The following TMOD2 variants were observed in gnomAD, a reference collection of about 807,000 sequenced individuals.
The protein encoded by TMOD2 is tropomodulin-2.
A neutral mutation model predicts 39.9 loss-of-function variants in TMOD2; 22 were observed. The ratio of observed to expected loss-of-function variants is 0.55; its 90% CI spans 0.39 to 0.79. The LOEUF (loss-of-function observed/expected upper bound fraction) is 0.79, where lower values mean the gene tolerates loss of function less well. Ranked by LOEUF, TMOD2 falls within the 30% of genes least tolerant of loss-of-function variation. The pLI, the probability that TMOD2 is intolerant of heterozygous loss-of-function variation, is 0.00. For synonymous variants in TMOD2, 123 were observed against 146.1 expected, an observed-to-expected ratio of 0.84 and a Z score of 1.14; for missense variants, 386 against 413.3, an observed-to-expected ratio of 0.93 and a Z score of 0.57.
intron 7 of TMOD2, chr15:51,783,828 C>A (rs2055950299): frequency 6.6e-6 from 1 of 152,110 alleles, no homozygotes; most frequent in Admixed American, 6.5e-5. Flanking sequence ...TCTATTCTTC[C>A]TATGCATTTT....
chr15:51,776,042 GT>G (rs2141623168), intron 4 of TMOD2, among the ~76,000 whole-genome samples: 1 of 152,300 alleles, frequency 6.6e-6, no homozygotes, highest in East Asian at 1.9e-4. Flanking sequence ...AAGTCACACA[GT>G]TTAACGTGGT....
At chr15:51,803,565 A>G (rs1339908328) in intron 8 of TMOD2, among the ~76,000 whole-genome samples, 2 of 152,246 alleles carry the variant, frequency 1.3e-5, no homozygotes, top group African/African-American at 4.8e-5. Flanking sequence ...ACCAAATGGA[A>G]GAAATCAGGA....
chr15:51,803,100 T>C (rs1057262874), intron 8 of TMOD2, among the ~76,000 whole-genome samples: 2 of 150,608 alleles, frequency 1.3e-5, no homozygotes, highest in Non-Finnish European at 1.5e-5. Context: ...CAGGGAAGAA[T>C]GAAATAAAAG....
chr15:51,761,490 G>C (rs1435942023), intron 1 of TMOD2, among the ~76,000 whole-genome samples: 2 of 152,020 alleles, frequency 1.3e-5, no homozygotes, highest in African/African-American at 4.8e-5. Context: ...ACTTTGGGAG[G>C]CTGAGGCAGG....
intron 8 of TMOD2, among the ~76,000 whole-genome samples, chr15:51,802,299 T>G (rs1288793112): frequency 6.6e-6 from 1 of 152,196 alleles, no homozygotes; most frequent in Admixed American, 6.5e-5. Context: ...TAAGTTAACA[T>G]AAAAGCAGAG....
intron 3 of TMOD2, among the ~76,000 whole-genome samples, chr15:51,769,787 C>T (rs2055841093): frequency 6.6e-6 from 1 of 152,130 alleles, no homozygotes; most frequent in African/African-American, 2.4e-5. Context: ...GTAATTTCTG[C>T]ACTTTGGGAG....
intron 7 of TMOD2, among the ~76,000 whole-genome samples, chr15:51,792,588 A>G (rs151259572): frequency 7.9e-4 from 120 of 152,312 alleles, no homozygotes; most frequent in Non-Finnish European, 1.6e-3. Context: ...GGCACTATTC[A>G]CAATAGTAAA....
intron 8 of TMOD2, among the ~76,000 whole-genome samples, chr15:51,800,282 C>G (rs2056078920): frequency 6.6e-6 from 1 of 152,180 alleles, no homozygotes; most frequent in South Asian, 2.1e-4. Flanking sequence ...AGCCTGTAAT[C>G]CCAGCACTTT....
intron 7 of TMOD2, among the ~76,000 whole-genome samples, chr15:51,794,444 C>T (rs2056034124): frequency 6.6e-6 from 1 of 152,124 alleles, no homozygotes; most frequent in Non-Finnish European, 1.5e-5. Context: ...AAAGTGGTTA[C>T]TGGCTCATGC....
At chr15:51,804,602 C>G (rs1200915650) in intron 8 of TMOD2, among the ~76,000 whole-genome samples, 1 of 151,194 alleles carries the variant, frequency 6.6e-6, no homozygotes, top group East Asian at 1.9e-4. Flanking sequence ...GAGATGGAGC[C>G]TACTCTGTCA....
At position 51,811,219 on chromosome 15, in the gene TMOD2, G is replaced by C. The variant is rs2056154718; in HGVS notation, c.*2765G>C. On this transcript the variant is annotated 3_prime_UTR_variant, in exon 10 of 10. Transcript: ENST00000249700. ...CATCTCCCTCTCTGCCCAAAGTGTGGAAGTGGTAGCTCTTTCATGATCATG... is the reference window on the plus strand; with the variant it reads ...CATCTCCCTCTCTGCCCAAAGTGTGCAAGTGGTAGCTCTTTCATGATCATG... The C allele has an allele frequency of 6.6e-6, 1 of 152,184 alleles. No homozygotes were observed. Among genetic ancestry groups the C allele is most frequent in the African/African-American group, 2.4e-5 (1 of 41,442 alleles). 9.4% of individuals were successfully genotyped at this position (152,184 alleles called of 1,614,324 possible). A position where few individuals can be genotyped will look rare whatever the true frequency, so the allele number is the denominator to read the frequency against.
intron 7 of TMOD2, among the ~76,000 whole-genome samples, chr15:51,787,527 G>A (rs979337969): frequency 6.6e-6 from 1 of 152,226 alleles, no homozygotes; most frequent in Non-Finnish European, 1.5e-5. Flanking sequence ...TTCGAGCTCC[G>A]ATAACGGACA....
At position 51,816,176 on chromosome 15, in the gene TMOD2, A is replaced by G. The variant is rs1039057547; in HGVS notation, c.*7722A>G. 24 of 152,346 alleles carry G rather than the reference A, an allele frequency of 1.6e-4. No homozygotes were observed. Among genetic ancestry groups the G allele is most frequent in the African/African-American group, 5.8e-4 (24 of 41,594 alleles). The allele number at this position is 152,346 out of a possible 1,614,324, so 9.4% of individuals were successfully genotyped here. On this transcript the variant is annotated 3_prime_UTR_variant, in exon 10 of 10. Transcript: ENST00000249700. ...ATTCAGGACCCCAGTTGGCCCAAAT[A>G]GGTGCAATTTTTAATCCTTTGAAAT...
chr15:51,758,238 C>T (rs558709574), intron 1 of TMOD2, among the ~76,000 whole-genome samples: 1 of 152,082 alleles, frequency 6.6e-6, no homozygotes, highest in East Asian at 1.9e-4. Flanking sequence ...GCTACTGTTA[C>T]ATAGTATGAA....
At chr15:51,774,358 C>T (rs546392032) in intron 4 of TMOD2, among the ~76,000 whole-genome samples, 3 of 152,280 alleles carry the variant, frequency 2.0e-5, no homozygotes, top group Admixed American at 1.3e-4. Flanking sequence ...GTAAGTCTCT[C>T]GACCTGAATT....
At chr15:51,756,296 C>G (rs2055741272) in intron 1 of TMOD2, 1 of 152,176 alleles carries the variant, frequency 6.6e-6, no homozygotes, top group Non-Finnish European at 1.5e-5. Context: ...CAGGTTTTGC[C>G]TCTTTATATT....
chr15:51,814,144 G>T lies in TMOD2; in HGVS notation c.*5690G>T. 6.6e-6 allele frequency: 1 copy of T among 152,390 alleles called. No individual in the cohort carries two copies. The highest frequency in any genetic ancestry group is 2.4e-5 in the African/African-American group (1 of 41,568). The allele number at this position is 152,390 out of a possible 1,614,324, so 9.4% of individuals were successfully genotyped here. A position where few individuals can be genotyped will look rare whatever the true frequency, so the allele number is the denominator to read the frequency against. On this transcript the variant is annotated 3_prime_UTR_variant, in exon 10 of 10. Coordinates refer to ENST00000249700, the MANE Select transcript of TMOD2 (RefSeq NM_014548.4). ...CTAGGCTGGGCACAAGGGAGAAAGCGAACAGTTGACTAAGAATTGAGGGGA... is the reference window on the plus strand; with the variant it reads ...CTAGGCTGGGCACAAGGGAGAAAGCTAACAGTTGACTAAGAATTGAGGGGA...
Position 51,814,560 on chromosome 15 carries a change from G to A in TMOD2, c.*6106G>A, listed in dbSNP as rs2056176623. On this transcript the variant is annotated 3_prime_UTR_variant, in exon 10 of 10. Transcript: ENST00000249700. ...CATAGTAGGTGCTTAATGAACAAATGTTGCTTGAATTTAGCTGTCGTCCAG... is the reference window on the plus strand; with the variant it reads ...CATAGTAGGTGCTTAATGAACAAATATTGCTTGAATTTAGCTGTCGTCCAG... 6.6e-6 allele frequency: 1 copy of A among 152,348 alleles called. No individual in the cohort carries two copies. Among genetic ancestry groups the A allele is most frequent in the East Asian group, 1.9e-4 (1 of 5,188 alleles). 9.4% of individuals were successfully genotyped at this position (152,348 alleles called of 1,614,324 possible).
At chr15:51,803,821 C>A (rs542945968) in intron 8 of TMOD2, among the ~76,000 whole-genome samples, 2 of 151,962 alleles carry the variant, frequency 1.3e-5, no homozygotes, top group Non-Finnish European at 2.9e-5. Flanking sequence ...ATTGGTAGTT[C>A]CTGAGAAAAA....
Sources: gnomAD v4.1 joint callset for allele counts (sites outside exome capture counted in the v4.1 genomes callset) on GRCh38, gnomAD v4.1.1 for gene constraint, MANE v1.5 for transcripts, NCBI Gene and HGNC (gene_info 2026-07-23, HGNC 2026-07-21) for gene names.